The following PPP6R2 variants were observed in gnomAD, a reference collection of about 807,000 sequenced individuals.
PPP6R2 encodes serine/threonine-protein phosphatase 6 regulatory subunit 2.
In PPP6R2, 62 loss-of-function variants were observed where a neutral mutation model predicts 100.2. The observed-to-expected ratio is 0.62, with a 90% CI of 0.50 to 0.76. PPP6R2 has a LOEUF of 0.76. PPP6R2 is among the 30% of genes least tolerant of loss of function. The pLI is 0.00. For missense variants in PPP6R2, 1,142 were observed against 1,276.3 expected (o/e 0.89, Z 1.60); for synonymous variants, 525 against 514.7 (o/e 1.02, Z -0.27).
intron 2 of PPP6R2, among the ~76,000 whole-genome samples, chr22:50,374,620 A>G (rs2051024964): frequency 1.3e-5 from 2 of 152,120 alleles, no homozygotes; most frequent in South Asian, 2.1e-4. Context: ...ATATTTTTAG[A>G]AAAAAACAAA....
At chr22:50,400,226 CTT>C (rs1184041069) in intron 3 of PPP6R2, among the ~76,000 whole-genome samples, 3 of 152,214 alleles carry the variant, frequency 2.0e-5, no homozygotes, top group Non-Finnish European at 4.4e-5. Flanking sequence ...AGGAAGGGAA[CTT>C]TGCCATAACA....
At chr22:50,341,502 G>T (rs2042383814), upstream of PPP6R2, among the ~76,000 whole-genome samples, 1 of 152,176 alleles carries the variant, frequency 6.6e-6, no homozygotes, top group Non-Finnish European at 1.5e-5. Flanking sequence ...CCGTGCCCAG[G>T]CAATCGGATC....
chr22:50,417,059 C>T (rs1016165617), intron 6 of PPP6R2, among the ~76,000 whole-genome samples: 4 of 152,050 alleles, frequency 2.6e-5, no homozygotes, highest in Non-Finnish European at 5.9e-5. Flanking sequence ...AGTATTTTTA[C>T]CTGTAGCAGT....
chr22:50,370,926 C>T (rs1217200461), intron 1 of PPP6R2, among the ~76,000 whole-genome samples: 1 of 149,534 alleles, frequency 6.7e-6, no homozygotes, highest in Non-Finnish European at 1.5e-5. Context: ...GCCACTGCCC[C>T]CAGCCACAAA....
chr22:50,368,323 A>G (rs2049203553), intron 1 of PPP6R2, among the ~76,000 whole-genome samples: 1 of 152,118 alleles, frequency 6.6e-6, no homozygotes, highest in Non-Finnish European at 1.5e-5. Flanking sequence ...CCAGTCTGCT[A>G]AGTAACGGGT....
intron 18 of PPP6R2, 30 bp from the exon 19 acceptor site, chr22:50,438,567 CCA>C (rs1368376938): frequency 1.2e-6 from 2 of 1,611,026 alleles, no homozygotes; most frequent in Non-Finnish European, 8.5e-7. Context: ...CCGTCCTGGG[CCA>C]CCAGACATCT....
chr22:50,348,688 C>A (rs80299307), intron 1 of PPP6R2, among the ~76,000 whole-genome samples: 1,632 of 152,158 alleles, frequency 0.011, 18 homozygotes, highest in Non-Finnish European at 0.017. Flanking sequence ...ACAGGAGGGT[C>A]TGGAACCCAG....
chr22:50,374,682 A>C (rs996611067), intron 2 of PPP6R2, among the ~76,000 whole-genome samples: 5 of 152,122 alleles, frequency 3.3e-5, no homozygotes, highest in African/African-American at 1.2e-4. Context: ...TTGGGAGGCC[A>C]AGGTGGGCGG....
chr22:50,421,466 C>T (rs556029266), intron 8 of PPP6R2, among the ~76,000 whole-genome samples: 3 of 152,326 alleles, frequency 2.0e-5, no homozygotes, highest in Non-Finnish European at 2.9e-5. Flanking sequence ...CCTGTCCCCC[C>T]CAAAGTGCTG....
intron 1 of PPP6R2, among the ~76,000 whole-genome samples, chr22:50,355,781 A>T (rs537129369): frequency 6.6e-6 from 1 of 151,326 alleles, no homozygotes; most frequent in African/African-American, 2.4e-5. Flanking sequence ...TCGGCCTCCC[A>T]AATTGCTGGG....
At chr22:50,365,587 G>A (rs1443090016) in intron 1 of PPP6R2, among the ~76,000 whole-genome samples, 1 of 151,156 alleles carries the variant, frequency 6.6e-6, no homozygotes, top group African/African-American at 2.4e-5. Flanking sequence ...GCTGAGGCAG[G>A]AGAATGGCAT....
At chr22:50,417,353 AAG>A (rs998392404) in intron 6 of PPP6R2, among the ~76,000 whole-genome samples, 30 of 152,236 alleles carry the variant, frequency 2.0e-4, no homozygotes, top group African/African-American at 6.3e-4. Context: ...CCCACACTAA[AAG>A]AGATGGGGGC....
At chr22:50,442,412 G>A (rs962228769) in intron 22 of PPP6R2, among the ~76,000 whole-genome samples, 2 of 152,272 alleles carry the variant, frequency 1.3e-5, no homozygotes, top group African/African-American at 4.8e-5. Context: ...CAAGTGGGGG[G>A]CACAGCACGG....
intron 1 of PPP6R2, among the ~76,000 whole-genome samples, chr22:50,369,247 AAAAG>A (rs772199942): frequency 1.3e-5 from 2 of 151,914 alleles, no homozygotes; most frequent in Non-Finnish European, 2.9e-5. Context: ...TAAAAAAAAA[AAAAG>A]AAAACACATT....
chr22:50,424,518 C>T (rs904628754), intron 10 of PPP6R2, among the ~76,000 whole-genome samples: 1 of 150,802 alleles, frequency 6.6e-6, no homozygotes, highest in Admixed American at 6.6e-5. Flanking sequence ...GGTCTGTCCG[C>T]GTGTGGAACG....
rs780890615 is a variant in PPP6R2, at chr22:50,414,702, G to GA, written c.552+13_552+14insA. The GA allele has an allele frequency of 6.5e-7, 1 of 1,549,322 alleles. No individual in the cohort carries two copies. Among genetic ancestry groups the GA allele is most frequent in the South Asian group, 1.2e-5 (1 of 86,384 alleles). ...GGACGTCCTGCACGTGAGTGCGGGAGTCCCCCCCCGTTCCCGAGGGCAGGG... is the reference window on the plus strand; with the variant it reads ...GGACGTCCTGCACGTGAGTGCGGGAGATCCCCCCCCGTTCCCGAGGGCAGGG... On this transcript the variant is annotated intron_variant, in intron 5 of 23. Coordinates refer to ENST00000612753, the MANE Select transcript of PPP6R2 (RefSeq NM_001242898.2).
At chr22:50,437,419 T>C in intron 15 of PPP6R2, 87 bp from the exon 16 acceptor site, 5 of 899,124 alleles carry the variant, frequency 5.6e-6, no homozygotes, top group Non-Finnish European at 8.9e-6. Context: ...ACTAGAGAGA[T>C]TGTGGTTCCC....
At chr22:50,382,924 G>A (rs1173619660) in intron 2 of PPP6R2, among the ~76,000 whole-genome samples, 1 of 149,938 alleles carries the variant, frequency 6.7e-6, no homozygotes, top group Non-Finnish European at 1.5e-5. Context: ...TGCAACCTCT[G>A]CCTCCCAGAC....
rs769425338 is a variant in PPP6R2 at position 50,423,495 on chromosome 22, G to C, written c.1006G>C (p.Glu336Gln). Residue 336 changes from glutamate to glutamine, a missense_variant, in exon 10 of 24, where the codon GAG becomes CAG. This residue lies in a region of PPP6R2 where 592 missense variants were observed against 758.9 expected (regional missense o/e 0.78). Transcript: ENST00000612753. This position sits in a 1 kb window ranked among gnomAD's most constrained non-coding sequence, Gnocchi z 4.8. ...KAILTTIGVLEEPLGNARLHG... is the reference protein window; with the variant it reads ...KAILTTIGVLQEPLGNARLHG... ...GATCCTGACCACCATTGGTGTGCTG[G>C]AGGAGCCCCTGGGGAATGCCCGTCT... is the stretch of plus-strand genomic sequence containing the variant. 1.9e-6 allele frequency: 3 copies of C among 1,614,106 alleles called. No homozygotes were observed. The highest frequency in any genetic ancestry group is 2.2e-5 in the East Asian group (1 of 44,902).
Sources: allele counts gnomAD v4.1 joint callset (sites outside exome capture counted in the v4.1 genomes callset), GRCh38; gene constraint gnomAD v4.1.1; regional missense constraint gnomAD v4.1.1; non-coding constraint Gnocchi (gnomAD v3.1); transcripts MANE v1.5; gene names NCBI Gene and HGNC (gene_info 2026-07-23, HGNC 2026-07-21).